LRRTM4: variants seen among roughly 807,000 people sequenced by gnomAD.
LRRTM4 encodes the protein leucine-rich repeat transmembrane neuronal protein 4.
In LRRTM4, 25 loss-of-function variants were observed where a neutral mutation model predicts 47.6. That is an observed-to-expected ratio of 0.53 (90% confidence interval 0.38 to 0.73). The LOEUF (loss-of-function observed/expected upper bound fraction) is 0.73. LRRTM4 is among the 30% of genes least tolerant of loss of function. The pLI, the probability that LRRTM4 is intolerant of heterozygous loss-of-function variation, is 0.00. For missense variants in LRRTM4, 638 were observed against 713.4 expected, an observed-to-expected ratio of 0.89 and a Z score of 1.20; for synonymous variants, 311 against 269.5, an observed-to-expected ratio of 1.15 and a Z score of -1.51.
intron 3 of LRRTM4, among the ~76,000 whole-genome samples, chr2:77,135,932 T>C (rs1572996712): frequency 6.6e-6 from 1 of 152,206 alleles, no homozygotes; most frequent in African/African-American, 2.4e-5. Context: ...AACATTACTT[T>C]ATAAATTGTT....
intron 3 of LRRTM4, among the ~76,000 whole-genome samples, chr2:76,797,502 TG>T (rs1223135522): frequency 6.6e-6 from 1 of 152,068 alleles, no homozygotes; most frequent in Non-Finnish European, 1.5e-5. Flanking sequence ...TATCAGCTGC[TG>T]CAAAATCATG....
chr2:77,191,984 C>A (rs1360596661), intron 3 of LRRTM4, among the ~76,000 whole-genome samples: 7 of 152,086 alleles, frequency 4.6e-5, no homozygotes, highest in African/African-American at 1.7e-4. Flanking sequence ...AGAATAAAGA[C>A]ATCCAACTAG....
chr2:77,000,268 G>T (rs1398556296), intron 3 of LRRTM4, among the ~76,000 whole-genome samples: 2 of 151,182 alleles, frequency 1.3e-5, no homozygotes, highest in African/African-American at 2.4e-5. Flanking sequence ...CTTTTGGACT[G>T]AACATACAGT....
At chr2:76,824,919 A>G in intron 3 of LRRTM4, among the ~76,000 whole-genome samples, 1 of 151,662 alleles carries the variant, frequency 6.6e-6, no homozygotes, top group East Asian at 1.9e-4. Context: ...GCATACATCT[A>G]GTGACCATCA....
intron 3 of LRRTM4, among the ~76,000 whole-genome samples, chr2:77,207,142 T>TTATATATATA (rs35745580): frequency 2.6e-4 from 36 of 136,844 alleles, no homozygotes; most frequent in African/African-American, 8.9e-4. Flanking sequence ...TATTTTATAT[T>TTATATATATA]TATATATATA....
intron 3 of LRRTM4, among the ~76,000 whole-genome samples, chr2:77,283,142 A>T (rs1676552864): frequency 6.6e-6 from 1 of 152,040 alleles, no homozygotes; most frequent in Non-Finnish European, 1.5e-5. Context: ...GCAAAACTCA[A>T]ATAACCCCAT....
chr2:76,802,387 ATAGTCT>A (rs1443218218), intron 3 of LRRTM4, among the ~76,000 whole-genome samples: 1 of 152,130 alleles, frequency 6.6e-6, no homozygotes, highest in Non-Finnish European at 1.5e-5. Flanking sequence ...TATCTACAAG[ATAGTCT>A]TAGGAAAAAA....
At chr2:77,040,337 G>A (rs988846429) in intron 3 of LRRTM4, among the ~76,000 whole-genome samples, 9 of 151,466 alleles carry the variant, frequency 5.9e-5, no homozygotes, top group South Asian at 4.1e-4. Flanking sequence ...GACAAATGGT[G>A]CACACGAAAT....
At chr2:77,257,573 G>T (rs13432815) in intron 3 of LRRTM4, among the ~76,000 whole-genome samples, 18,716 of 152,056 alleles carry the variant, frequency 0.12, 3,866 homozygotes, top group African/African-American at 0.42. Flanking sequence ...GATATTCACA[G>T]ATTAGAAAAC....
At chr2:77,249,524 C>T (rs200843456) in intron 3 of LRRTM4, among the ~76,000 whole-genome samples, 1 of 115,144 alleles carries the variant, frequency 8.7e-6, no homozygotes, top group African/African-American at 3.8e-5. Flanking sequence ...CAATAAAAAA[C>T]AGAACATAGA....
intron 3 of LRRTM4, among the ~76,000 whole-genome samples, chr2:77,046,884 T>C (rs1679253292): frequency 6.6e-6 from 1 of 151,966 alleles, no homozygotes; most frequent in Admixed American, 6.6e-5. Flanking sequence ...ATGAAGTGAC[T>C]TTGGCTGGAT....
At chr2:77,097,840 CAT>C (rs1172243272) in intron 3 of LRRTM4, among the ~76,000 whole-genome samples, 1 of 151,648 alleles carries the variant, frequency 6.6e-6, no homozygotes, top group African/African-American at 2.4e-5. Flanking sequence ...TAATTAATGA[CAT>C]AGAAAACAAG....
At chr2:77,376,537 G>A (rs1258968795) in intron 3 of LRRTM4, among the ~76,000 whole-genome samples, 1 of 148,476 alleles carries the variant, frequency 6.7e-6, no homozygotes, top group South Asian at 2.1e-4. Context: ...ACTTTGTTTT[G>A]ATGACAGTTT....
At chr2:77,161,765 T>TC in intron 3 of LRRTM4, among the ~76,000 whole-genome samples, 1 of 152,348 alleles carries the variant, frequency 6.6e-6, no homozygotes, top group Non-Finnish European at 1.5e-5. Context: ...AATTTTTTTT[T>TC]CTGTGAAAAT....
chr2:77,222,891 A>G (rs905793708), intron 3 of LRRTM4, among the ~76,000 whole-genome samples: 2 of 152,174 alleles, frequency 1.3e-5, no homozygotes, highest in Non-Finnish European at 2.9e-5. Context: ...AAAGCCTGGC[A>G]GAGACACAAT....
At chr2:77,148,463 G>T (rs1275870721) in intron 3 of LRRTM4, among the ~76,000 whole-genome samples, 1 of 151,974 alleles carries the variant, frequency 6.6e-6, no homozygotes, top group Non-Finnish European at 1.5e-5. Flanking sequence ...ACAACTAGTT[G>T]GCATTGCCCC....
At chr2:76,862,686 G>T (rs952694988) in intron 3 of LRRTM4, among the ~76,000 whole-genome samples, 1 of 152,216 alleles carries the variant, frequency 6.6e-6, no homozygotes, top group Admixed American at 6.5e-5. Context: ...ATAAGGCATT[G>T]ATAAGAGCAG....
At chr2:77,033,153 G>A (rs1012619743) in intron 3 of LRRTM4, among the ~76,000 whole-genome samples, 1 of 151,954 alleles carries the variant, frequency 6.6e-6, no homozygotes, top group Non-Finnish European at 1.5e-5. Flanking sequence ...CAGCTACAGA[G>A]AGAGAACAAT....
At chr2:76,837,768 G>A (rs1409778363) in intron 3 of LRRTM4, among the ~76,000 whole-genome samples, 1 of 152,100 alleles carries the variant, frequency 6.6e-6, no homozygotes, top group Non-Finnish European at 1.5e-5. Flanking sequence ...AAAAAATTAT[G>A]AGTTCATGTC....
Sources: allele counts gnomAD v4.1 joint callset (sites outside exome capture counted in the v4.1 genomes callset), GRCh38; gene constraint gnomAD v4.1.1; transcripts MANE v1.5; gene names NCBI Gene and HGNC (gene_info 2026-07-23, HGNC 2026-07-21).